Variants in ST6GAL1 observed in about 807,000 individuals in gnomAD.
ST6GAL1 encodes beta-galactoside alpha-2,6-sialyltransferase 1.
In ST6GAL1, 20 loss-of-function variants were observed where a neutral mutation model predicts 38.0. That is an observed-to-expected ratio of 0.53 (90% CI 0.37 to 0.77). The LOEUF (loss-of-function observed/expected upper bound fraction) is 0.77, where lower values mean the gene tolerates loss of function less well. ST6GAL1 is among the 30% of genes least tolerant of loss of function. The pLI is 0.00. For missense variants in ST6GAL1, 432 were observed against 496.4 expected (o/e 0.87, Z 1.23); for synonymous variants, 196 against 188.2 (o/e 1.04, Z -0.34).
chr3:186,951,567 T>C (rs188471194), intron 1 of ST6GAL1, among the ~76,000 whole-genome samples: 1 of 152,330 alleles, frequency 6.6e-6, no homozygotes, highest in Admixed American at 6.5e-5. Context: ...TAACCTGTGC[T>C]GTTAATTCCA....
intron 2 of ST6GAL1, among the ~76,000 whole-genome samples, chr3:186,993,358 T>TGTAC (rs1218088044): frequency 3.3e-5 from 5 of 152,190 alleles, no homozygotes; most frequent in Non-Finnish European, 7.3e-5. Flanking sequence ...TAGGGTCACC[T>TGTAC]GTACGTCTTT....
chr3:187,059,258 A>C (rs1338118211), intron 5 of ST6GAL1, among the ~76,000 whole-genome samples: 2 of 152,106 alleles, frequency 1.3e-5, no homozygotes, highest in Non-Finnish European at 2.9e-5. Flanking sequence ...GGTGTAGAAG[A>C]ATTGGCTGGC....
At chr3:186,940,386 C>A (rs1714125556) in intron 1 of ST6GAL1, among the ~76,000 whole-genome samples, 1 of 152,132 alleles carries the variant, frequency 6.6e-6, no homozygotes, top group Admixed American at 6.5e-5. Flanking sequence ...CTACTGTTTG[C>A]AGTTTGATGT....
intron 1 of ST6GAL1, among the ~76,000 whole-genome samples, chr3:186,938,851 C>T (rs907005756): frequency 1.3e-5 from 2 of 152,196 alleles, no homozygotes; most frequent in Non-Finnish European, 2.9e-5. Context: ...TCCCAGACAT[C>T]TTATCAGCCG....
At chr3:186,964,978 A>G (rs2108527821) in intron 2 of ST6GAL1, among the ~76,000 whole-genome samples, 1 of 152,310 alleles carries the variant, frequency 6.6e-6, no homozygotes, top group South Asian at 2.1e-4. Flanking sequence ...TGAGGGTCCC[A>G]TAAAATAATG....
chr3:187,021,642 A>C (rs2108565010), intron 2 of ST6GAL1, among the ~76,000 whole-genome samples: 1 of 149,882 alleles, frequency 6.7e-6, no homozygotes, highest in African/African-American at 2.4e-5. Context: ...CGGGAGGCTG[A>C]GGCAGGAAGA....
chr3:187,065,861 T>A (rs1719091450), intron 5 of ST6GAL1, among the ~76,000 whole-genome samples: 1 of 152,356 alleles, frequency 6.6e-6, no homozygotes, highest in South Asian at 2.1e-4. Flanking sequence ...TTGATCTTCA[T>A]GGCAAACCCT....
At chr3:187,001,616 T>C (rs1169918033) in intron 2 of ST6GAL1, among the ~76,000 whole-genome samples, 1 of 152,156 alleles carries the variant, frequency 6.6e-6, no homozygotes, top group Admixed American at 6.5e-5. Context: ...AGAAAATGCA[T>C]TTCACACAGT....
At chr3:186,989,820 C>G (rs921197196) in intron 2 of ST6GAL1, among the ~76,000 whole-genome samples, 3 of 152,226 alleles carry the variant, frequency 2.0e-5, no homozygotes, top group African/African-American at 7.2e-5. Flanking sequence ...TTTTGCATGT[C>G]TTCTCCCAAG....
At chr3:187,042,233 A>T (rs1261725252) in intron 3 of ST6GAL1, among the ~76,000 whole-genome samples, 1 of 152,014 alleles carries the variant, frequency 6.6e-6, no homozygotes, top group African/African-American at 2.4e-5. Flanking sequence ...TTTTTCAAGC[A>T]TGCATGGCTT....
intron 2 of ST6GAL1, among the ~76,000 whole-genome samples, chr3:187,034,267 A>T (rs1182029462): frequency 6.6e-6 from 1 of 152,022 alleles, no homozygotes; most frequent in East Asian, 1.9e-4. Context: ...GTAATAAAAA[A>T]CTTACCACCA....
chr3:187,072,099 A>G (rs1719401356), intron 5 of ST6GAL1: 1 of 152,200 alleles, frequency 6.6e-6, no homozygotes, highest in African/African-American at 2.4e-5. Flanking sequence ...TGTCACACTC[A>G]TGTTTAAGGC....
At chr3:186,959,300 G>A (rs1318741399) in intron 1 of ST6GAL1, among the ~76,000 whole-genome samples, 2 of 152,166 alleles carry the variant, frequency 1.3e-5, no homozygotes, top group African/African-American at 4.8e-5. Flanking sequence ...TAGCACTAAA[G>A]GGAAGATAAA....
rs776908493 is a variant in ST6GAL1, at chr3:187,042,772, C to G, written c.69C>G (p.Ile23Met). The change falls in exon 4 of 8, where the codon ATC becomes ATG. Residue 23 changes from isoleucine to methionine, a missense_variant. Physicochemically the swap from Ile to Met is conservative, Grantham distance 10. Transcript: ENST00000169298. ...CVLVFLLFAV[I>M]CVWKEKKKGS... ...TGGTCTTTCTTCTGTTTGCAGTCAT[C>G]TGTGTGTGGAAGGAAAAGAAGAAAG... is the stretch of plus-strand genomic sequence containing the variant. 5.4e-5 allele frequency: 87 copies of G among 1,614,040 alleles called. No individual in the cohort carries two copies. In the East Asian group the frequency reaches 1.9e-3, roughly 36 times the overall value.
At chr3:186,983,736 A>G (rs1449198967) in intron 2 of ST6GAL1, among the ~76,000 whole-genome samples, 1 of 152,194 alleles carries the variant, frequency 6.6e-6, no homozygotes, top group African/African-American at 2.4e-5. Context: ...TTTTGGGGAT[A>G]CAGACACTGA....
At chr3:186,983,777 C>T (rs1182302907) in intron 2 of ST6GAL1, among the ~76,000 whole-genome samples, 5 of 152,064 alleles carry the variant, frequency 3.3e-5, no homozygotes, top group Admixed American at 6.5e-5. Flanking sequence ...CAAGATCAGA[C>T]CTTTGAGGAG....
chr3:187,038,477 GTGCTGGGAT>G (rs1718016307), intron 2 of ST6GAL1: 2 of 152,478 alleles, frequency 1.3e-5, no homozygotes, highest in Admixed American at 1.3e-4. Context: ...GCCTCCCAAA[GTGCTGGGAT>G]TACAGGTGTG....
At chr3:187,070,732 C>T (rs1317917574) in intron 5 of ST6GAL1, among the ~76,000 whole-genome samples, 1 of 152,158 alleles carries the variant, frequency 6.6e-6, no homozygotes, top group African/African-American at 2.4e-5. Flanking sequence ...CCAACACTCG[C>T]TCACTTTATG....
intron 2 of ST6GAL1, among the ~76,000 whole-genome samples, chr3:186,982,215 A>G (rs1366613855): frequency 6.6e-6 from 1 of 152,230 alleles, no homozygotes; most frequent in East Asian, 1.9e-4. Flanking sequence ...AGAAATTTAG[A>G]GATTGGTTAC....
Sources: allele counts gnomAD v4.1 joint callset (sites outside exome capture counted in the v4.1 genomes callset), GRCh38; gene constraint gnomAD v4.1.1; transcripts MANE v1.5; gene names NCBI Gene and HGNC (gene_info 2026-07-23, HGNC 2026-07-21).